Variants in ADGRV1 observed in about 807,000 individuals in gnomAD.
The protein encoded by ADGRV1 is G-protein coupled receptor 98.
Under a neutral mutation model 596.2 loss-of-function variants are expected in ADGRV1, and 359 were observed. The observed-to-expected ratio is 0.60, with a 90% CI of 0.55 to 0.66. The LOEUF is 0.66. Among genes scored for constraint, ADGRV1 ranks in the 30% least tolerant of loss-of-function variants. ADGRV1 has a pLI of 0.00. For missense variants in ADGRV1, 7,274 were observed against 7,575.6 expected, an observed-to-expected ratio of 0.96 and a Z score of 1.48; for synonymous variants, 2,681 against 2,679.2, an observed-to-expected ratio of 1.00 and a Z score of -0.02.
At chr5:90,931,784 A>C (rs549023693) in intron 83 of ADGRV1, among the ~76,000 whole-genome samples, 1 of 152,230 alleles carries the variant, frequency 6.6e-6, no homozygotes, top group East Asian at 1.9e-4. Flanking sequence ...AAATGAAATC[A>C]CTCTTTCTGG....
At chr5:90,763,811 G>T (rs1462113180) in intron 59 of ADGRV1, among the ~76,000 whole-genome samples, 1 of 152,158 alleles carries the variant, frequency 6.6e-6, no homozygotes, top group Admixed American at 6.5e-5. Context: ...ATTCACTTAG[G>T]ATAATGGCTC....
chr5:90,637,741 A>G lies in ADGRV1; in HGVS notation c.2033A>G (p.His678Arg), dbSNP rs1289921890. Residue 678 changes from histidine (H) to arginine (R), a missense_variant, in exon 11 of 90, where the codon CAT becomes CGT. His to Arg is a conservative substitution (Grantham distance 29, BLOSUM62 0). Around this residue, in one of 5 missense-constraint regions of ADGRV1, gnomAD observed 1,715 missense variants for 1,708.8 expected, o/e 1.00. Coordinates refer to ENST00000405460, the MANE Select transcript of ADGRV1 (RefSeq NM_032119.4). ...TTTTATAAGGTATACATTCCCTTAC[A>G]TCGGGATGGAACTGATGGCCAGGCT... ...FAAEVVYIPLHRDGTDGQATV... is the reference protein window; with the variant it reads ...FAAEVVYIPLRRDGTDGQATV... 3.1e-6 allele frequency: 5 copies of G among 1,610,890 alleles called. No individual in the cohort carries two copies. In the Admixed American group the frequency reaches 5.0e-5, roughly 16 times the overall value.
chr5:90,712,826 C>A (rs1270183074), intron 42 of ADGRV1, among the ~76,000 whole-genome samples: 1 of 151,982 alleles, frequency 6.6e-6, no homozygotes, highest in Admixed American at 6.6e-5. Flanking sequence ...AGTAAAGGAA[C>A]TCCTTTAGTG....
At chr5:90,838,085 A>G (rs1765119311) in intron 77 of ADGRV1, among the ~76,000 whole-genome samples, 1 of 152,086 alleles carries the variant, frequency 6.6e-6, no homozygotes, top group African/African-American at 2.4e-5. Flanking sequence ...ATCCATGCTG[A>G]TGTGTGTACT....
At chr5:90,752,846 C>T (rs1755419771) in intron 53 of ADGRV1, among the ~76,000 whole-genome samples, 2 of 152,164 alleles carry the variant, frequency 1.3e-5, no homozygotes, top group Non-Finnish European at 2.9e-5. Flanking sequence ...AATTTATATT[C>T]TCCATTGCCT....
chr5:90,954,983 A>T lies in ADGRV1; in HGVS notation c.17857-10432A>T, dbSNP rs75268022. ...TGGGGCCTTTATTTGGGAGGTAATTAGGTAATGACAGTGAAGCCCTCATGA... is the reference window on the plus strand; with the variant it reads ...TGGGGCCTTTATTTGGGAGGTAATTTGGTAATGACAGTGAAGCCCTCATGA... On this transcript the variant is annotated intron_variant, in intron 83 of 89. Transcript: ENST00000405460. Among the ~76,000 whole-genome samples the T allele has an allele frequency of 2.6e-5, 4 of 152,070 alleles. No individual in the cohort carries two copies. In the East Asian group the frequency reaches 7.7e-4, roughly 29 times the overall value.
In ADGRV1 at chr5:90,823,639, T is replaced by A. The variant is rs749078538; in HGVS notation, c.16368+43T>A. 2.0e-6 allele frequency: 3 copies of A among 1,520,322 alleles called. No individual in the cohort carries two copies. The Admixed American group carries it at 5.2e-5, about 26-fold the overall frequency. 94.2% of individuals were successfully genotyped at this position (1,520,322 alleles called of 1,614,324 possible). On this transcript the variant is annotated intron_variant, in intron 76 of 89. Coordinates refer to ENST00000405460, the MANE Select transcript of ADGRV1 (RefSeq NM_032119.4). Reference sequence around the variant, plus strand: ...ACACTAGTGTCAACTTCTAATTATATTTCTTTAGAATTAATCATTTTAAAA... The same window carrying A: ...ACACTAGTGTCAACTTCTAATTATAATTCTTTAGAATTAATCATTTTAAAA...
intron 70 of ADGRV1, 136 bp downstream of exon 70, chr5:90,791,482 T>C: frequency 1.6e-6 from 1 of 626,158 alleles, no homozygotes. Flanking sequence ...CGAAAATGTT[T>C]AGTAACTACT....
At chr5:90,570,916 T>C (rs889762875) in intron 1 of ADGRV1, among the ~76,000 whole-genome samples, 13 of 152,168 alleles carry the variant, frequency 8.5e-5, no homozygotes, top group African/African-American at 3.1e-4. Flanking sequence ...AAGTCTAACA[T>C]CTGGTATGTT....
At chr5:90,947,059 GAATTATTACATTCCCACTAAATGTA>G (rs1776640649) in intron 83 of ADGRV1, among the ~76,000 whole-genome samples, 3 of 152,184 alleles carry the variant, frequency 2.0e-5, no homozygotes, top group South Asian at 2.1e-4. Context: ...CACAATTGTT[GAATTATTACATTCCCACTAAATGTA>G]AATTATTACA....
At position 90,745,233 on chromosome 5, in the gene ADGRV1, C is replaced by T. The variant is rs757895560; in HGVS notation, c.10737C>T (p.Ala3579=). ...CTCATTCACATATATATGAGCTAGC[C>T]TACATTTCCAGCCATTCTGACTTTA... ...VGAHSHIYEL[A]YISSHSDFIP... is the part of the protein sequence containing the mutation. The change falls in exon 51 of 90, where the codon GCC becomes GCT. Residue 3579 remains alanine (A), a synonymous_variant. Coordinates refer to ENST00000405460, the MANE Select transcript of ADGRV1 (RefSeq NM_032119.4). 6 of 1,603,162 alleles carry T rather than the reference C, an allele frequency of 3.7e-6. No individual in the cohort carries two copies. The African/African-American group carries it at 6.7e-5, about 18-fold the overall frequency.
rs770347536 is a variant in ADGRV1 at position 90,810,765 on chromosome 5, A to G, written c.15505A>G (p.Ile5169Val). The change falls in exon 74 of 90, where the codon ATT becomes GTT. Residue 5169 changes from isoleucine to valine, a missense_variant. Physicochemically the swap from Ile to Val is conservative, Grantham distance 29. Around this residue, in one of 5 missense-constraint regions of ADGRV1, gnomAD observed 1,874 missense variants for 1,970.2 expected, o/e 0.95. Transcript: ENST00000405460. ...CCTCAGCACAAGCAAGACGACTACCATTCTGCAGCCAACCAACGTGGTTGC... is the reference window on the plus strand; with the variant it reads ...CCTCAGCACAAGCAAGACGACTACCGTTCTGCAGCCAACCAACGTGGTTGC... ...TYLSTSKTTTILQPTNVVAIV... is the reference protein window; with the variant it reads ...TYLSTSKTTTVLQPTNVVAIV... 2.0e-5 allele frequency: 32 copies of G among 1,613,854 alleles called. No individual in the cohort carries two copies. Among genetic ancestry groups the G allele is most frequent in the African/African-American group, 6.7e-5 (5 of 74,918 alleles).
At chr5:90,785,311 A>T (rs1379619283) in intron 67 of ADGRV1, among the ~76,000 whole-genome samples, 1 of 152,194 alleles carries the variant, frequency 6.6e-6, no homozygotes, top group African/African-American at 2.4e-5. Context: ...CCTAGGAGAA[A>T]ACCTAGGCAA....
Position 90,756,443 on chromosome 5 carries a change from C to G in ADGRV1, c.11581-11C>G. ...AAAAATGAAACACCATCTTTTTCCC[C>G]CATCCCCCAGGATGACCTTCCTGAA... On this transcript the variant is annotated splice_polypyrimidine_tract_variant and intron_variant, in intron 55 of 89. Coordinates refer to ENST00000405460, the MANE Select transcript of ADGRV1 (RefSeq NM_032119.4). The G allele has an allele frequency of 6.9e-7, 1 of 1,453,680 alleles. No homozygotes were observed. The highest frequency in any genetic ancestry group is 9.1e-7 in the Non-Finnish European group (1 of 1,096,652). The allele number at this position is 1,453,680 out of a possible 1,614,324, so 90.0% of individuals were successfully genotyped here. A position where few individuals can be genotyped will look rare whatever the true frequency, so the allele number is the denominator to read the frequency against.
chr5:90,969,555 G>C (rs978929544), intron 84 of ADGRV1, among the ~76,000 whole-genome samples: 1 of 152,080 alleles, frequency 6.6e-6, no homozygotes, highest in Admixed American at 6.6e-5. Flanking sequence ...CCTTTTCTTT[G>C]ACAGAGAAGT....
At chr5:90,948,501 C>T (rs1049386979) in intron 83 of ADGRV1, among the ~76,000 whole-genome samples, 2 of 152,056 alleles carry the variant, frequency 1.3e-5, no homozygotes, top group Admixed American at 6.6e-5. Context: ...ATCTGCTTAA[C>T]GTATAAACAC....
intron 89 of ADGRV1, 86 bp downstream of exon 89, chr5:91,153,484 A>T (rs1433074726): frequency 2.2e-6 from 2 of 915,782 alleles, no homozygotes; most frequent in Non-Finnish European, 3.2e-6. Context: ...GTTGCAAAGT[A>T]CTATCAGTCA....
At chr5:90,625,089 G>A in intron 5 of ADGRV1, 41 bp from the exon 6 acceptor site, 2 of 1,163,866 alleles carry the variant, frequency 1.7e-6, no homozygotes, top group East Asian at 2.4e-5. Flanking sequence ...GTCTTGTGAA[G>A]TATTTTGCAT....
intron 2 of ADGRV1, among the ~76,000 whole-genome samples, chr5:90,616,590 A>G (rs13158577): frequency 0.012 from 1,767 of 152,146 alleles, 12 homozygotes; most frequent in Non-Finnish European, 0.019. Context: ...TTGTTGATAT[A>G]TAATAGTTGT....
Sources: gnomAD v4.1 joint callset for allele counts (sites outside exome capture counted in the v4.1 genomes callset) on GRCh38, gnomAD v4.1.1 for gene constraint, gnomAD v4.1.1 regional missense constraint, MANE v1.5 for transcripts, NCBI Gene and HGNC (gene_info 2026-07-23, HGNC 2026-07-21) for gene names.